The following TRPC6 variants were observed in gnomAD, a reference collection of about 807,000 sequenced individuals.
TRPC6 encodes the protein short transient receptor potential channel 6.
In TRPC6, 55 loss-of-function variants were observed where a neutral mutation model predicts 90.7. That is an observed-to-expected ratio of 0.61 (90% CI 0.49 to 0.76). The LOEUF (loss-of-function observed/expected upper bound fraction) is 0.76. Ranked by LOEUF, TRPC6 falls within the 30% of genes least tolerant of loss-of-function variation. TRPC6 has a pLI of 0.00. For synonymous variants in TRPC6, 393 were observed against 393.0 expected, an observed-to-expected ratio of 1.00 and a Z score of 0.00; for missense variants, 989 against 1,122.7, an observed-to-expected ratio of 0.88 and a Z score of 1.70.
chr11:101,536,380 C>G (rs1403731543), intron 1 of TRPC6, among the ~76,000 whole-genome samples: 1 of 151,288 alleles, frequency 6.6e-6, no homozygotes, highest in Admixed American at 6.6e-5. Flanking sequence ...GAGCAAGACT[C>G]GATCCCCCAG....
In TRPC6 at chr11:101,504,797, G is replaced by A. The variant is rs117273916; in HGVS notation, c.172C>T (p.Arg58Trp). 1,980 of 1,611,412 alleles carry A rather than the reference G, an allele frequency of 1.2e-3. 4 individuals are homozygous for A. The highest frequency in any genetic ancestry group is 1.4e-3 in the Non-Finnish European group (1,602 of 1,178,904). Residue 58 changes from arginine (R) to tryptophan (W), a missense_variant and splice_region_variant, in exon 2 of 13, where the codon CGG becomes TGG. Coordinates refer to ENST00000344327, the MANE Select transcript of TRPC6 (RefSeq NM_004621.6). ...TGAGCCAGTCTGTTGTCAGATCCCC[G>A]GCTGCAATAAAACAGAAAGATTGTA... ...LPCYGYYPCF[R>W]GSDNRLAHRR...
intron 1 of TRPC6, among the ~76,000 whole-genome samples, chr11:101,569,791 G>A (rs747534868): frequency 9.9e-5 from 15 of 152,082 alleles, no homozygotes; most frequent in Non-Finnish European, 2.1e-4. Context: ...ACAAAATTAA[G>A]GCAAAAATAA....
intron 2 of TRPC6, among the ~76,000 whole-genome samples, chr11:101,495,366 T>G (rs1859917806): frequency 6.6e-6 from 1 of 152,174 alleles, no homozygotes; most frequent in Non-Finnish European, 1.5e-5. Flanking sequence ...GAAAAATGCA[T>G]GTCTTGATTC....
At chr11:101,582,261 A>G (rs999238478) in intron 1 of TRPC6, among the ~76,000 whole-genome samples, 1 of 152,184 alleles carries the variant, frequency 6.6e-6, no homozygotes, top group Non-Finnish European at 1.5e-5. Context: ...GCACCGCAGC[A>G]GGGCTTGAGG....
intron 1 of TRPC6, among the ~76,000 whole-genome samples, chr11:101,517,793 T>G (rs1860556528): frequency 6.6e-6 from 1 of 152,230 alleles, no homozygotes; most frequent in African/African-American, 2.4e-5. Context: ...AAACAGCTAC[T>G]TAGAACCCTC....
chr11:101,491,052 C>T (rs927092516), intron 3 of TRPC6, among the ~76,000 whole-genome samples: 1 of 152,242 alleles, frequency 6.6e-6, no homozygotes, highest in Non-Finnish European at 1.5e-5. Context: ...TATATAAATA[C>T]GTCTAGATTT....
At chr11:101,499,421 A>G (rs984643043) in intron 2 of TRPC6, among the ~76,000 whole-genome samples, 45 of 151,826 alleles carry the variant, frequency 3.0e-4, no homozygotes, top group African/African-American at 9.4e-4. Flanking sequence ...TTATCAAATC[A>G]TATCTAGAAA....
At chr11:101,570,694 T>C (rs1413764959) in intron 1 of TRPC6, among the ~76,000 whole-genome samples, 4 of 152,126 alleles carry the variant, frequency 2.6e-5, no homozygotes, top group African/African-American at 9.7e-5. Flanking sequence ...TGGCGTCATC[T>C]CTGGGATGCA....
At chr11:101,505,581 T>A (rs1330675505) in intron 1 of TRPC6, among the ~76,000 whole-genome samples, 2 of 152,172 alleles carry the variant, frequency 1.3e-5, no homozygotes, top group Admixed American at 6.5e-5. Context: ...CAATAAATGC[T>A]TGAACTCTGC....
chr11:101,526,366 T>C (rs73571987), intron 1 of TRPC6, among the ~76,000 whole-genome samples: 38,181 of 152,056 alleles, frequency 0.25, 5,105 homozygotes, highest in African/African-American at 0.33. Context: ...CTCAGAAACT[T>C]TTCTATAAGA....
chr11:101,538,930 T>C (rs1417556791), intron 1 of TRPC6, among the ~76,000 whole-genome samples: 4 of 152,206 alleles, frequency 2.6e-5, no homozygotes, highest in Non-Finnish European at 5.9e-5. Context: ...AAGTGAACTA[T>C]TTCTAAAGTC....
At chr11:101,518,312 C>A (rs1452720792) in intron 1 of TRPC6, among the ~76,000 whole-genome samples, 2 of 151,856 alleles carry the variant, frequency 1.3e-5, no homozygotes, top group African/African-American at 4.8e-5. Context: ...GGATTAATAA[C>A]CAGAATATAT....
At chr11:101,531,991 G>A (rs1397490937) in intron 1 of TRPC6, among the ~76,000 whole-genome samples, 1 of 152,178 alleles carries the variant, frequency 6.6e-6, no homozygotes, top group Non-Finnish European at 1.5e-5. Context: ...ATGGCAAGAA[G>A]TGTCCTGAGG....
At chr11:101,469,340 T>C in intron 10 of TRPC6, 87 bp downstream of exon 10, 1 of 701,546 alleles carries the variant, frequency 1.4e-6, no homozygotes, top group South Asian at 1.5e-5. Context: ...CTCTACTTGC[T>C]AAAATTGCTT....
intron 1 of TRPC6, among the ~76,000 whole-genome samples, chr11:101,523,863 A>G (rs558176019): frequency 6.6e-6 from 1 of 152,374 alleles, no homozygotes; most frequent in South Asian, 2.1e-4. Context: ...ATGATTCAGA[A>G]TGGAGATGGT....
intron 2 of TRPC6, among the ~76,000 whole-genome samples, chr11:101,500,698 C>A (rs1327520012): frequency 6.6e-6 from 1 of 151,886 alleles, no homozygotes; most frequent in Non-Finnish European, 1.5e-5. Context: ...ATATGATATA[C>A]ATGTTGATAT....
intron 1 of TRPC6, among the ~76,000 whole-genome samples, chr11:101,578,419 CT>C (rs148060483): frequency 6.6e-6 from 1 of 152,198 alleles, no homozygotes; most frequent in African/African-American, 2.4e-5. Context: ...TCAATACTAA[CT>C]TTTTTTGCCT....
At chr11:101,558,453 G>GCACACACA (rs1555012732) in intron 1 of TRPC6, among the ~76,000 whole-genome samples, 1 of 24,876 alleles carries the variant, frequency 4.0e-5, no homozygotes, top group African/African-American at 1.4e-4. Flanking sequence ...ATATACACAC[G>GCACACACA]CACACATACA....
chr11:101,475,921 T>C (rs542380627), intron 6 of TRPC6, among the ~76,000 whole-genome samples: 9 of 151,926 alleles, frequency 5.9e-5, no homozygotes, highest in African/African-American at 1.7e-4. Flanking sequence ...CGTGTATATA[T>C]ACATATACAT....
Sources: allele counts gnomAD v4.1 joint callset (sites outside exome capture counted in the v4.1 genomes callset), GRCh38; gene constraint gnomAD v4.1.1; transcripts MANE v1.5; gene names NCBI Gene and HGNC (gene_info 2026-07-23, HGNC 2026-07-21).